The following CACNA1C variants were observed in gnomAD, a reference collection of about 807,000 sequenced individuals.
CACNA1C encodes the protein voltage-dependent L-type calcium channel subunit alpha-1C.
CACNA1C carries 30 observed loss-of-function variants against 229.0 expected under a neutral mutation model. That is an observed-to-expected ratio of 0.13 (90% CI 0.10 to 0.18). CACNA1C has a LOEUF of 0.18. Ranked by LOEUF, CACNA1C falls within the 10% of genes least tolerant of loss-of-function variation. The probability of loss-of-function intolerance (pLI) is 1.00; values close to 1 mark genes in which losing one functional copy is unlikely to be tolerated. For missense variants in CACNA1C, 1,658 were observed against 2,845.0 expected, an observed-to-expected ratio of 0.58 and a Z score of 9.49; for synonymous variants, 1,114 against 1,132.5, an observed-to-expected ratio of 0.98 and a Z score of 0.33.
chr12:2,267,733 C>T (rs2082927184), intron 3 of CACNA1C, among the ~76,000 whole-genome samples: 1 of 152,200 alleles, frequency 6.6e-6, no homozygotes. Flanking sequence ...CTGCACTCAG[C>T]TTCCCGCCCT....
chr12:2,424,551 C>A (rs1353460589), intron 3 of CACNA1C, among the ~76,000 whole-genome samples: 3 of 152,160 alleles, frequency 2.0e-5, no homozygotes, highest in African/African-American at 7.2e-5. Flanking sequence ...GGACACTTTG[C>A]AGAAAGCTCA....
rs185350025 is a variant in CACNA1C, at chr12:2,543,988, C to T, written c.1391-5955C>T. On this transcript the variant is annotated intron_variant, in intron 9 of 46. Coordinates refer to ENST00000399655, the MANE Select transcript of CACNA1C (RefSeq NM_000719.7). ...TAGAAACTTGGTGACTGGCAGCCTA[C>T]GTCCACCCCCTATATCTCCAGAAAG... is the stretch of plus-strand genomic sequence containing the variant. 1.1e-3 allele frequency among the ~76,000 whole-genome samples: 160 copies of T among 152,264 alleles called. 1 individual carries two copies. The highest frequency in any genetic ancestry group is 2.0e-3 in the Non-Finnish European group (135 of 68,014).
intron 3 of CACNA1C, among the ~76,000 whole-genome samples, chr12:2,289,874 G>A (rs1031394711): frequency 3.9e-5 from 6 of 152,154 alleles, no homozygotes; most frequent in South Asian, 2.1e-4. Flanking sequence ...GGAAATTCGC[G>A]TCAAGTCACA....
chr12:2,240,773 C>G (rs1772086322), intron 3 of CACNA1C, among the ~76,000 whole-genome samples: 1 of 152,106 alleles, frequency 6.6e-6, no homozygotes, highest in Non-Finnish European at 1.5e-5. Flanking sequence ...TCTTCCACCT[C>G]TCTTTTGGCC....
chr12:2,222,801 CT>C (rs1385413379), intron 3 of CACNA1C, among the ~76,000 whole-genome samples: 3 of 152,188 alleles, frequency 2.0e-5, no homozygotes, highest in Admixed American at 6.5e-5. Flanking sequence ...CACTGGAAAA[CT>C]GTAAGTGAAA....
chr12:2,347,374 A>C (rs904510445), intron 3 of CACNA1C, among the ~76,000 whole-genome samples: 2 of 152,250 alleles, frequency 1.3e-5, no homozygotes, highest in African/African-American at 4.8e-5. Flanking sequence ...CATCCACAGC[A>C]TCACAGTTTC....
intron 3 of CACNA1C, among the ~76,000 whole-genome samples, chr12:2,338,644 T>G (rs1226483455): frequency 6.6e-6 from 1 of 152,130 alleles, no homozygotes; most frequent in Non-Finnish European, 1.5e-5. Flanking sequence ...GGGTTAGGGT[T>G]GGCAAGGTTG....
chr12:2,588,124 G>T (rs779731709), intron 18 of CACNA1C, among the ~76,000 whole-genome samples: 1 of 152,216 alleles, frequency 6.6e-6, no homozygotes. Context: ...TGCAGCAGAA[G>T]TTCCCAGAGA....
chr12:2,391,251 C>A lies in CACNA1C; in HGVS notation c.478-57725C>A, dbSNP rs1479877359. ...GGTGTTTGTGGTGCATCCACACGGA[C>A]ACGTCCATTAGGAGTTTGTATCTAT... On this transcript the variant is annotated intron_variant, in intron 3 of 46. Transcript: ENST00000399655. Among the ~76,000 whole-genome samples the A allele has an allele frequency of 2.6e-5, 4 of 152,306 alleles. No homozygotes were observed. The South Asian group carries it at 6.2e-4, about 24-fold the overall frequency.
rs144998043 is a variant in CACNA1C, at chr12:2,248,804, T to C, written c.477+128374T>C. Among the ~76,000 whole-genome samples the C allele has an allele frequency of 1.4e-3, 217 of 152,368 alleles. 1 individual carries two copies. The highest frequency in any genetic ancestry group is 4.9e-3 in the African/African-American group (204 of 41,600). ...CCTTGGCGGTGACGGACTTAGGTTCTATTATGGCTCTAATACTTGCTGACT... is the reference window on the plus strand; with the variant it reads ...CCTTGGCGGTGACGGACTTAGGTTCCATTATGGCTCTAATACTTGCTGACT... On this transcript the variant is annotated intron_variant, in intron 3 of 46. Transcript: ENST00000399655.
intron 34 of CACNA1C, among the ~76,000 whole-genome samples, chr12:2,655,731 A>C (rs113145412): frequency 0.014 from 2,136 of 152,364 alleles, 44 homozygotes; most frequent in African/African-American, 0.042. Flanking sequence ...ATCCAATAGT[A>C]CATGAGAAAG....
chr12:2,576,771 A>G (rs192857729), intron 13 of CACNA1C, among the ~76,000 whole-genome samples: 5 of 151,860 alleles, frequency 3.3e-5, no homozygotes, highest in Admixed American at 2.6e-4. Context: ...CACCCTACCC[A>G]CCTCAAAGGC....
At chr12:2,454,957 C>T (rs2099407923) in intron 4 of CACNA1C, among the ~76,000 whole-genome samples, 1 of 152,216 alleles carries the variant, frequency 6.6e-6, no homozygotes, top group Non-Finnish European at 1.5e-5. Context: ...TGCCCCTGCA[C>T]AGGTGGACGC....
intron 1 of CACNA1C, among the ~76,000 whole-genome samples, chr12:2,097,440 C>G (rs2079857): frequency 0.016 from 2,502 of 152,308 alleles, 29 homozygotes; most frequent in South Asian, 0.038. Flanking sequence ...GCCACCGCGC[C>G]TGGCCACATT....
intron 11 of CACNA1C, among the ~76,000 whole-genome samples, chr12:2,562,863 A>C (rs919249490): frequency 1.3e-5 from 2 of 152,220 alleles, no homozygotes; most frequent in African/African-American, 4.8e-5. Context: ...AGCACTTATC[A>C]TTTCTTTGTA....
At chr12:2,542,982 T>A (rs899983287) in intron 9 of CACNA1C, among the ~76,000 whole-genome samples, 1 of 152,220 alleles carries the variant, frequency 6.6e-6, no homozygotes, top group Non-Finnish European at 1.5e-5. Context: ...AGTTCCAGAA[T>A]ACAGACTGGT....
At chr12:2,191,052 C>G (rs1419314161) in intron 3 of CACNA1C, among the ~76,000 whole-genome samples, 1 of 152,100 alleles carries the variant, frequency 6.6e-6, no homozygotes, top group Non-Finnish European at 1.5e-5. Context: ...GTGCCGTGCC[C>G]AGGAGGAAGA....
rs553861569 is a variant in CACNA1C at position 2,515,629 on chromosome 12, G to A, written c.1390+2645G>A. Among the ~76,000 whole-genome samples, 3 of 152,338 alleles carry A rather than the reference G, an allele frequency of 2.0e-5. No individual in the cohort carries two copies. The South Asian group carries it at 6.2e-4, about 32-fold the overall frequency. ...GGTGACTCCGCTTCTCCCCTGGGCA[G>A]CATCTGGATGCCCGTGGTGTGAGGC... On this transcript the variant is annotated intron_variant, in intron 9 of 46. Transcript: ENST00000399655.
intron 3 of CACNA1C, among the ~76,000 whole-genome samples, chr12:2,196,345 A>G (rs546732896): frequency 6.6e-6 from 1 of 152,366 alleles, no homozygotes; most frequent in Admixed American, 6.5e-5. Flanking sequence ...CTCAGGTGAT[A>G]AATTGTGATA....
Sources: gnomAD v4.1 joint callset for allele counts (sites outside exome capture counted in the v4.1 genomes callset) on GRCh38, gnomAD v4.1.1 for gene constraint, MANE v1.5 for transcripts, NCBI Gene and HGNC (gene_info 2026-07-23, HGNC 2026-07-21) for gene names.